ERICH2: variants seen among roughly 807,000 people sequenced by gnomAD.
The protein encoded by ERICH2 is glutamate-rich protein 2.
Under a neutral mutation model 17.4 loss-of-function variants are expected in ERICH2, and 17 were observed. The observed-to-expected ratio is 0.98, with a 90% CI of 0.67 to 1.47. The LOEUF (loss-of-function observed/expected upper bound fraction) is 1.47, where lower values mean the gene tolerates loss of function less well. ERICH2 is among the 40% of genes most tolerant of loss of function. The pLI is 0.00. For missense variants in ERICH2, 186 were observed against 183.2 expected (o/e 1.01, Z -0.09); for synonymous variants, 51 against 61.1 (o/e 0.83, Z 0.77).
chr2:170,783,766 C>T (rs190819356), upstream of ERICH2: 3 of 1,548,266 alleles, frequency 1.9e-6, no homozygotes, highest in East Asian at 7.3e-5. Flanking sequence ...TATGACCTCC[C>T]TTGGTGACAT....
chr2:170,785,863 A>G (rs1701148255), intron 2 of ERICH2, among the ~76,000 whole-genome samples: 1 of 152,146 alleles, frequency 6.6e-6, no homozygotes, highest in Non-Finnish European at 1.5e-5. Flanking sequence ...TGGAGAACAA[A>G]ACAATTTTAC....
chr2:170,785,625 T>TAAG lies in ERICH2; in HGVS notation c.216+793_216+795dup, dbSNP rs1178202061. Among the ~76,000 whole-genome samples, 5 of 152,034 alleles carry TAAG rather than the reference T, an allele frequency of 3.3e-5. No homozygotes were observed. In the East Asian group the frequency reaches 9.6e-4, roughly 29 times the overall value. ...TAAGTTTTCTGGGAACAGGGAGGAT[T>TAAG]AAGGGACTAACTGAAAAAAGAAGCA... On this transcript the variant is annotated intron_variant, in intron 2 of 4. Coordinates refer to ENST00000409885, the Ensembl canonical transcript of ERICH2.
Position 170,792,900 on chromosome 2 carries a change from CA to C in ERICH2, c.261del (p.Lys87AsnfsTer5), listed in dbSNP as rs765922748. 1.5e-5 allele frequency: 23 copies of C among 1,507,966 alleles called. No homozygotes were observed. The highest frequency in any genetic ancestry group is 6.4e-5 in the Admixed American group (3 of 47,182). 93.4% of individuals were successfully genotyped at this position (1,507,966 alleles called of 1,614,324 possible). On this transcript the variant is annotated frameshift_variant, in exon 3 of 5. Coordinates refer to ENST00000409885, the Ensembl canonical transcript of ERICH2. LOFTEE classifies it high-confidence loss of function. ...GAAATGGCCCGAGAGTACCAGCTGG[CA>C]AAAAAATTATGTCAGATGAGTAAGT...
At chr2:170,779,821 T>C (rs370975076), upstream of ERICH2, 1 of 984,906 alleles carries the variant, frequency 1.0e-6, no homozygotes, top group Non-Finnish European at 1.2e-6. Flanking sequence ...CAGACCAAGA[T>C]TGACAAGCAA....
chr2:170,777,408 T>C, the ERICH2 span: 1 of 1,180,514 alleles, frequency 8.5e-7, no homozygotes. Flanking sequence ...GGCAGATTGC[T>C]AATGTTTGAT....
At chr2:170,797,339 A>G (rs1157573031) in intron 3 of ERICH2, among the ~76,000 whole-genome samples, 1 of 152,246 alleles carries the variant, frequency 6.6e-6, no homozygotes, top group Admixed American at 6.5e-5. Flanking sequence ...TGAAGGATTA[A>G]CAGACCTCTA....
At chr2:170,772,496 A>G in the ERICH2 span, among the ~76,000 whole-genome samples, 31 of 152,368 alleles carry the variant, frequency 2.0e-4, no homozygotes, top group Middle Eastern at 3.4e-3. Context: ...AGAGAGGTTA[A>G]GGAATTTGCT....
chr2:170,792,907 A>G, exon 3 of ERICH2: 2 of 1,511,760 alleles, frequency 1.3e-6, no homozygotes. Context: ...TGGCAAAAAA[A>G]TTATGTCAGA....
chr2:170,788,937 C>T (rs1559254043), intron 2 of ERICH2, among the ~76,000 whole-genome samples: 1 of 62,794 alleles, frequency 1.6e-5, no homozygotes, highest in Non-Finnish European at 3.5e-5. Flanking sequence ...CCATATTCTT[C>T]TTCTTCTTTC....
intron 2 of ERICH2, among the ~76,000 whole-genome samples, chr2:170,787,996 C>T (rs566147100): frequency 2.0e-5 from 3 of 152,252 alleles, no homozygotes; most frequent in African/African-American, 7.2e-5. Flanking sequence ...CCGAAAGCCT[C>T]AATTAGATTT....
At chr2:170,793,172 AC>A (rs1314369440) in intron 3 of ERICH2, among the ~76,000 whole-genome samples, 1 of 152,228 alleles carries the variant, frequency 6.6e-6, no homozygotes, top group Non-Finnish European at 1.5e-5. Context: ...CAAAAATTTT[AC>A]CCTCATGATG....
chr2:170,772,187 T>C, the ERICH2 span, among the ~76,000 whole-genome samples: 2 of 152,206 alleles, frequency 1.3e-5, no homozygotes, highest in African/African-American at 4.8e-5. Context: ...ATTCCAGAGC[T>C]TTCTACCTAC....
the ERICH2 span, among the ~76,000 whole-genome samples, chr2:170,774,158 G>A: frequency 6.6e-6 from 1 of 152,104 alleles, no homozygotes; most frequent in African/African-American, 2.4e-5. Flanking sequence ...CTTTTTCCCT[G>A]GAGTCAGTGA....
intron 2 of ERICH2, among the ~76,000 whole-genome samples, chr2:170,786,618 C>G (rs1406467238): frequency 1.3e-5 from 2 of 152,120 alleles, no homozygotes; most frequent in Non-Finnish European, 2.9e-5. Context: ...ATCTAAGGTG[C>G]AATTGCTAAA....
intron 1 of ERICH2, among the ~76,000 whole-genome samples, chr2:170,784,367 A>G (rs1701100147): frequency 6.6e-6 from 1 of 152,186 alleles, no homozygotes; most frequent in African/African-American, 2.4e-5. Flanking sequence ...CGACTCACAG[A>G]TCTACCACTT....
At chr2:170,792,371 A>AAG (rs925319311) in intron 2 of ERICH2, among the ~76,000 whole-genome samples, 3 of 152,238 alleles carry the variant, frequency 2.0e-5, no homozygotes, top group Non-Finnish European at 4.4e-5. Flanking sequence ...TACATAAAAA[A>AAG]AGATGTATTA....
chr2:170,784,279 T>A (rs560892616), intron 1 of ERICH2, among the ~76,000 whole-genome samples: 1 of 152,326 alleles, frequency 6.6e-6, no homozygotes, highest in South Asian at 2.1e-4. Flanking sequence ...CTTACTTTAA[T>A]AGAAGTATAT....
chr2:170,798,003 T>A (rs1216222471), intron 3 of ERICH2, 38 bp from the exon 9 acceptor site: 6 of 1,419,722 alleles, frequency 4.2e-6, no homozygotes, highest in Non-Finnish European at 5.8e-6. Flanking sequence ...ACACTGAACG[T>A]TAATAACACA....
At chr2:170,781,834 A>G (rs543533057), upstream of ERICH2, among the ~76,000 whole-genome samples, 1 of 114,948 alleles carries the variant, frequency 8.7e-6, no homozygotes, top group East Asian at 2.5e-4. Context: ...TATTATGTCC[A>G]AGGGCTAATA....
Sources: gnomAD v4.1 joint callset for allele counts (sites outside exome capture counted in the v4.1 genomes callset) on GRCh38, gnomAD v4.1.1 for gene constraint, MANE v1.5 for transcripts, NCBI Gene and HGNC (gene_info 2026-07-23, HGNC 2026-07-21) for gene names.